ASTN2: variants seen among roughly 807,000 people sequenced by gnomAD.
ASTN2 encodes astrotactin-2.
Under a neutral mutation model 139.8 loss-of-function variants are expected in ASTN2, and 54 were observed. The observed-to-expected ratio is 0.39, with a 90% CI of 0.31 to 0.48. The LOEUF (loss-of-function observed/expected upper bound fraction) is 0.48. Among genes scored for constraint, ASTN2 ranks in the 20% least tolerant of loss-of-function variants. The pLI, the probability that ASTN2 is intolerant of heterozygous loss-of-function variation, is 0.95. For synonymous variants in ASTN2, 756 were observed against 719.5 expected (o/e 1.05, Z -0.81); for missense variants, 1,565 against 1,725.1 (o/e 0.91, Z 1.64).
At chr9:117,286,499 A>G (rs1312730462) in intron 2 of ASTN2, among the ~76,000 whole-genome samples, 1 of 151,958 alleles carries the variant, frequency 6.6e-6, no homozygotes, top group Non-Finnish European at 1.5e-5. Flanking sequence ...CTGGCTTCCC[A>G]CTTTCTAAAT....
chr9:117,054,026 A>C (rs1215084155), intron 5 of ASTN2, among the ~76,000 whole-genome samples: 1 of 141,078 alleles, frequency 7.1e-6, no homozygotes, highest in Non-Finnish European at 1.5e-5. Flanking sequence ...GAGAGGATAA[A>C]AAAAGAAAAA....
intron 10 of ASTN2, among the ~76,000 whole-genome samples, chr9:116,918,312 C>T (rs1441148882): frequency 6.6e-6 from 1 of 152,166 alleles, no homozygotes; most frequent in East Asian, 1.9e-4. Flanking sequence ...GGGCTTTCTG[C>T]AGGTGACTAG....
At chr9:116,933,677 C>G (rs899018684) in intron 10 of ASTN2, among the ~76,000 whole-genome samples, 17 of 151,840 alleles carry the variant, frequency 1.1e-4, no homozygotes, top group Admixed American at 1.1e-3. Flanking sequence ...AATGAAAATT[C>G]AGCATTTACT....
intron 10 of ASTN2, among the ~76,000 whole-genome samples, chr9:116,875,868 G>T (rs1833282207): frequency 6.6e-6 from 1 of 152,206 alleles, no homozygotes; most frequent in South Asian, 2.1e-4. Flanking sequence ...TAAGCCCACT[G>T]TTGAGAACTC....
intron 22 of ASTN2, 36 bp downstream of exon 22, chr9:116,440,573 G>A (rs1241506577): frequency 1.9e-6 from 3 of 1,600,888 alleles, no homozygotes. Context: ...GAGGCAAAAA[G>A]AATATGCCCC....
chr9:116,587,383 G>C (rs1177872698), intron 19 of ASTN2, among the ~76,000 whole-genome samples: 1 of 145,080 alleles, frequency 6.9e-6, no homozygotes, highest in Non-Finnish European at 1.5e-5. Flanking sequence ...TGTTATAGAA[G>C]ATCAGATCTC....
At chr9:117,409,347 A>G (rs1240595193) in intron 1 of ASTN2, among the ~76,000 whole-genome samples, 1 of 152,210 alleles carries the variant, frequency 6.6e-6, no homozygotes, top group African/African-American at 2.4e-5. Context: ...AAAATTGAGT[A>G]AGCACTCATT....
At chr9:116,524,618 G>A (rs149941449) in intron 19 of ASTN2, among the ~76,000 whole-genome samples, 11 of 152,226 alleles carry the variant, frequency 7.2e-5, no homozygotes, top group East Asian at 3.9e-4. Flanking sequence ...ATAAAAACTC[G>A]TACTCCCTTG....
chr9:117,021,268 C>T (rs1261195174), intron 6 of ASTN2, among the ~76,000 whole-genome samples: 2 of 152,042 alleles, frequency 1.3e-5, no homozygotes, highest in Non-Finnish European at 2.9e-5. Flanking sequence ...TCAGTTGGAA[C>T]CAATGGTCTA....
chr9:117,274,373 A>C (rs1489246235), intron 2 of ASTN2, among the ~76,000 whole-genome samples: 1 of 152,138 alleles, frequency 6.6e-6, no homozygotes, highest in Non-Finnish European at 1.5e-5. Context: ...CTGGGTTGGA[A>C]CAGGCCAGAA....
At chr9:117,233,515 T>G (rs1832957653) in intron 2 of ASTN2, among the ~76,000 whole-genome samples, 1 of 152,176 alleles carries the variant, frequency 6.6e-6, no homozygotes, top group Non-Finnish European at 1.5e-5. Flanking sequence ...TGTGTGTGTG[T>G]GCATCCAAAC....
intron 20 of ASTN2, among the ~76,000 whole-genome samples, chr9:116,461,349 T>G (rs920431391): frequency 1.3e-5 from 2 of 152,054 alleles, no homozygotes; most frequent in African/African-American, 4.8e-5. Context: ...CCAGACCACA[T>G]AGTAGGACCT....
intron 12 of ASTN2, among the ~76,000 whole-genome samples, chr9:116,808,639 C>A (rs1160655516): frequency 6.6e-6 from 1 of 152,154 alleles, no homozygotes; most frequent in Admixed American, 6.5e-5. Flanking sequence ...GATCTTTGCA[C>A]ATATATCATT....
chr9:117,067,729 T>A (rs984099401), intron 5 of ASTN2, among the ~76,000 whole-genome samples: 2 of 105,048 alleles, frequency 1.9e-5, no homozygotes, highest in Non-Finnish European at 4.1e-5. Context: ...TCACATCCCT[T>A]GTAAGTTGGA....
chr9:116,828,148 T>G (rs1831693746), intron 11 of ASTN2, among the ~76,000 whole-genome samples: 1 of 151,504 alleles, frequency 6.6e-6, no homozygotes, highest in African/African-American at 2.4e-5. Flanking sequence ...TACAAAAAAA[T>G]TAGCTGGGCA....
chr9:117,369,094 G>C (rs1015772127), intron 1 of ASTN2, among the ~76,000 whole-genome samples: 1 of 152,138 alleles, frequency 6.6e-6, no homozygotes, highest in African/African-American at 2.4e-5. Context: ...AATTCTCTAA[G>C]TGTTTTTCCC....
At chr9:117,360,829 A>G (rs1829671837) in intron 1 of ASTN2, among the ~76,000 whole-genome samples, 1 of 152,136 alleles carries the variant, frequency 6.6e-6, no homozygotes, top group Admixed American at 6.5e-5. Flanking sequence ...CTGTGCATAT[A>G]CTTTTGTACT....
intron 5 of ASTN2, among the ~76,000 whole-genome samples, chr9:117,042,519 G>A (rs1838608750): frequency 6.6e-6 from 1 of 152,116 alleles, no homozygotes; most frequent in South Asian, 2.1e-4. Context: ...ATAAAAAGGT[G>A]ATTCCAGTGT....
chr9:117,178,786 C>T (rs1352301847), intron 3 of ASTN2, among the ~76,000 whole-genome samples: 1 of 152,166 alleles, frequency 6.6e-6, no homozygotes, highest in African/African-American at 2.4e-5. Context: ...GGGGAGAAGG[C>T]TGGGCCCAGC....
Sources: allele counts gnomAD v4.1 joint callset (sites outside exome capture counted in the v4.1 genomes callset), GRCh38; gene constraint gnomAD v4.1.1; transcripts MANE v1.5; gene names NCBI Gene and HGNC (gene_info 2026-07-23, HGNC 2026-07-21).